AGRN: variants seen among roughly 807,000 people sequenced by gnomAD.
AGRN encodes agrin proteoglycan.
In AGRN, 106 loss-of-function variants were observed where a neutral mutation model predicts 211.0. The observed-to-expected ratio is 0.50, with a 90% CI of 0.43 to 0.59. The LOEUF (loss-of-function observed/expected upper bound fraction) is 0.59. Among genes scored for constraint, AGRN ranks in the 20% least tolerant of loss-of-function variants. AGRN has a pLI of 0.00. For missense variants in AGRN, 3,040 were observed against 2,982.6 expected (o/e 1.02, Z -0.45); for synonymous variants, 1,525 against 1,332.5 (o/e 1.14, Z -3.15).
chr1:1,048,852 G>A lies in AGRN; in HGVS notation c.4106-15G>A. ...CGGAGCTTTTCCAGCCGGCCCTCCC[G>A]GTCGCCCTTTGCAGTGCTTGGCGCC... On this transcript the variant is annotated splice_polypyrimidine_tract_variant and intron_variant, in intron 23 of 35. Transcript: ENST00000379370. The surrounding 1 kb of genome is among the most constrained non-coding windows in gnomAD (Gnocchi z 5.9). The A allele has an allele frequency of 2.6e-6, 4 of 1,526,782 alleles. No homozygotes were observed. Among genetic ancestry groups the A allele is most frequent in the Non-Finnish European group, 3.5e-6 (4 of 1,137,888 alleles). The allele number at this position is 1,526,782 out of a possible 1,614,324, so 94.6% of individuals were successfully genotyped here.
chr1:1,022,478 CT>C lies in AGRN; in HGVS notation c.463+17del, dbSNP rs781150566. ...TGTGTGGAAGGTGCGTGGTGGGGGGCTCGTGTGGGGGCCTGTGGGGGTCAGG... is the reference window on the plus strand; with the variant it reads ...TGTGTGGAAGGTGCGTGGTGGGGGGCCGTGTGGGGGCCTGTGGGGGTCAGG... On this transcript the variant is annotated intron_variant, in intron 2 of 35. Transcript: ENST00000379370. 17 of 1,597,770 alleles carry C rather than the reference CT, an allele frequency of 1.1e-5. No individual in the cohort carries two copies. In the African/African-American group the frequency reaches 1.6e-4, roughly 15 times the overall value.
intron 2 of AGRN, among the ~76,000 whole-genome samples, chr1:1,029,365 A>ATCTATGCAGGCAGGTGGGGGGATCGGTG (rs1644595450): frequency 1.7e-5 from 1 of 57,812 alleles, no homozygotes. Context: ...GATGCCCAAT[A>ATCTATGCAGGCAGGTGGGGGGATCGGTG]TCTATGCAGG....
chr1:1,042,150 C>G lies in AGRN; in HGVS notation c.1372C>G (p.Gln458Glu), dbSNP rs2100638949. Residue 458 changes from glutamine to glutamate, a missense_variant, in exon 7 of 36, where the codon CAG becomes GAG. Gln to Glu is a conservative substitution (Grantham distance 29, BLOSUM62 2). Transcript: ENST00000379370. The part of the protein sequence containing the change: ...RQQRAIPSKH[Q>E]GPCDQAPSPC... ...GCAGCGTGCCATCCCCAGCAAGCAC[C>G]AGGGCCCGTGTGGTGAGCGCCCCGG... The G allele has an allele frequency of 5.0e-6, 8 of 1,596,652 alleles. No homozygotes were observed. In the African/African-American group the frequency reaches 6.7e-5, roughly 13 times the overall value.
At chr1:1,054,327 T>C in intron 34 of AGRN, 121 bp from the exon 35 acceptor site, 1 of 928,266 alleles carries the variant, frequency 1.1e-6, no homozygotes, top group Non-Finnish European at 1.7e-6. Flanking sequence ...CCAGGGGTGA[T>C]ACCTCGGGGG....
chr1:1,024,732 G>A (rs1644481054), intron 2 of AGRN, among the ~76,000 whole-genome samples: 1 of 151,986 alleles, frequency 6.6e-6, no homozygotes, highest in Non-Finnish European at 1.5e-5. Context: ...GATCTTCCTG[G>A]CCCTGCCCAG....
intron 19 of AGRN, 170 bp from the exon 20 acceptor site, chr1:1,047,157 C>A: frequency 7.4e-7 from 1 of 1,350,478 alleles, no homozygotes; most frequent in Non-Finnish European, 9.9e-7. Flanking sequence ...CTGAGGAGTC[C>A]TCCTGGTAAC....
In AGRN at chr1:1,042,074, C is replaced by T. The variant is rs755384854; in HGVS notation, c.1296C>T (p.Asp432=). Residue 432 remains aspartate (D), a synonymous_variant, in exon 7 of 36, where the codon GAC becomes GAT. Coordinates refer to ENST00000379370, the MANE Select transcript of AGRN (RefSeq NM_198576.4). The part of the protein sequence containing the change: ...DGAYRPVCAQ[D]GRTYDSDCWR... ...CCTACAGGCCCGTGTGTGCCCAGGA[C>T]GGGCGCACGTATGACAGTGATTGCT... The T allele has an allele frequency of 1.1e-5, 18 of 1,606,556 alleles. No homozygotes were observed. The highest frequency in any genetic ancestry group is 4.5e-5 in the East Asian group (2 of 44,864).
At chr1:1,033,300 T>G (rs1644714026) in intron 2 of AGRN, among the ~76,000 whole-genome samples, 1 of 151,872 alleles carries the variant, frequency 6.6e-6, no homozygotes, top group Admixed American at 6.5e-5. Context: ...GCGCCGCACC[T>G]GGGGCCCTCC....
Position 1,054,840 on chromosome 1 carries a change from G to GC in AGRN, c.6000dup (p.Val2001ArgfsTer68). 6.4e-7 allele frequency: 1 copy of GC among 1,559,450 alleles called. No homozygotes were observed. Among genetic ancestry groups the GC allele is most frequent in the East Asian group, 2.4e-5 (1 of 42,032 alleles). ...GTGCTGCAGGGGGCCTGCCGGAGCT[G>GC]CCCGTGGGCCCAGCACTGCCCAAGG... On this transcript the variant is annotated frameshift_variant, in exon 36 of 36. Transcript: ENST00000379370. LOFTEE classifies it high-confidence loss of function.
rs1395835478 is a variant in AGRN at position 1,048,838 on chromosome 1, C to T, written c.4106-29C>T. On this transcript the variant is annotated intron_variant, in intron 23 of 35. Transcript: ENST00000379370. This position sits in a 1 kb window ranked among gnomAD's most constrained non-coding sequence, Gnocchi z 5.9. ...AAGTGGGGAATCCTCGGAGCTTTTC[C>T]AGCCGGCCCTCCCGGTCGCCCTTTG... 2.6e-6 allele frequency: 4 copies of T among 1,519,910 alleles called. No homozygotes were observed. Among genetic ancestry groups the T allele is most frequent in the South Asian group, 2.4e-5 (2 of 82,822 alleles). 94.2% of individuals were successfully genotyped at this position (1,519,910 alleles called of 1,614,324 possible). A position where few individuals can be genotyped will look rare whatever the true frequency, so the allele number is the denominator to read the frequency against.
At chr1:1,035,008 C>T in intron 2 of AGRN, 2 of 577,070 alleles carry the variant, frequency 3.5e-6, no homozygotes, top group Non-Finnish European at 6.2e-6. Context: ...GGAAGGGGGT[C>T]CTGCCTGCAC....
intron 3 of AGRN, among the ~76,000 whole-genome samples, chr1:1,036,271 G>A (rs1281266940): frequency 1.3e-5 from 2 of 152,192 alleles, no homozygotes; most frequent in Non-Finnish European, 2.9e-5. Flanking sequence ...GGCTGGAGGA[G>A]GTGGCCAGGC....
In AGRN at chr1:1,043,711, G is replaced by A. The variant is rs764287273; in HGVS notation, c.1777G>A (p.Val593Met). 10 of 1,600,824 alleles carry A rather than the reference G, an allele frequency of 6.2e-6. No homozygotes were observed. The highest frequency in any genetic ancestry group is 4.4e-5 in the South Asian group (4 of 91,074). The stretch of plus-strand genomic sequence containing the variant: ...CTGCACACACCAGATCAGCCTGCAC[G>A]TGGCCTCAGCTGGACCCTGTGGTGA... ...HACTHQISLH[V>M]ASAGPCETCG... The change falls in exon 9 of 36, where the codon GTG (valine) becomes ATG (methionine). Residue 593 changes from valine to methionine, a missense_variant. This residue lies in a region of AGRN where 1,498 missense variants were observed against 1,457.8 expected (regional missense o/e 1.03). Transcript: ENST00000379370.
intron 2 of AGRN, among the ~76,000 whole-genome samples, chr1:1,030,977 G>C (rs576470976): frequency 2.1e-5 from 3 of 140,638 alleles, no homozygotes; most frequent in Non-Finnish European, 3.1e-5. Flanking sequence ...ATGTGTGTGT[G>C]TGTGCAGTGC....
Position 1,044,273 on chromosome 1 carries a change from C to G in AGRN, c.2148+16C>G. ...AGGCAGCCCGGTGAGCTCTGTACCC[C>G]TGGCTCTCGGCGGGCGGCGGGGACG... On this transcript the variant is annotated intron_variant, in intron 11 of 35. Coordinates refer to ENST00000379370, the MANE Select transcript of AGRN (RefSeq NM_198576.4). The G allele has an allele frequency of 6.2e-7, 1 of 1,612,760 alleles. No homozygotes were observed. Among genetic ancestry groups the G allele is most frequent in the Non-Finnish European group, 8.5e-7 (1 of 1,179,842 alleles).
Position 1,048,808 on chromosome 1 carries a change from G to T in AGRN, c.4106-59G>T, listed in dbSNP as rs1022460592. 6.9e-7 allele frequency: 1 copy of T among 1,448,118 alleles called. No individual in the cohort carries two copies. The highest frequency in any genetic ancestry group is 9.2e-7 in the Non-Finnish European group (1 of 1,089,990). 89.7% of individuals were successfully genotyped at this position (1,448,118 alleles called of 1,614,324 possible). A position where few individuals can be genotyped will look rare whatever the true frequency, so the allele number is the denominator to read the frequency against. On this transcript the variant is annotated intron_variant, in intron 23 of 35. Transcript: ENST00000379370. This position sits in a 1 kb window ranked among gnomAD's most constrained non-coding sequence, Gnocchi z 5.9. Reference sequence around the variant, plus strand: ...AAAAAAAGCAGGGGGCGGTTTCAGGGATAAAAGTGGGGAATCCTCGGAGCT... The same window carrying T: ...AAAAAAAGCAGGGGGCGGTTTCAGGTATAAAAGTGGGGAATCCTCGGAGCT...
Position 1,048,163 on chromosome 1 carries a change from C to T in AGRN, c.3903C>T (p.Thr1301=), listed in dbSNP as rs1325213777. 1 of 1,580,282 alleles carries T rather than the reference C, an allele frequency of 6.3e-7. No homozygotes were observed. Among genetic ancestry groups the T allele is most frequent in the Non-Finnish European group, 8.6e-7 (1 of 1,169,510 alleles). Residue 1301 remains threonine, a synonymous_variant, in exon 23 of 36, where the codon ACC becomes ACT. Coordinates refer to ENST00000379370, the MANE Select transcript of AGRN (RefSeq NM_198576.4). This position sits in a 1 kb window ranked among gnomAD's most constrained non-coding sequence, Gnocchi z 5.9. ...ACACAAGCCAGCCCGTTGCCAAGACCACGGCAGCCCCCACCACACGTCGGC... is the reference window on the plus strand; with the variant it reads ...ACACAAGCCAGCCCGTTGCCAAGACTACGGCAGCCCCCACCACACGTCGGC... ...PSHTSQPVAK[T]TAAPTTRRPP...
intron 3 of AGRN, among the ~76,000 whole-genome samples, chr1:1,038,300 G>C (rs925918475): frequency 6.6e-6 from 1 of 152,174 alleles, no homozygotes; most frequent in Non-Finnish European, 1.5e-5. Context: ...CCAGTGCTCA[G>C]CCTGGCTTCA....
intron 1 of AGRN, among the ~76,000 whole-genome samples, chr1:1,021,546 G>C (rs1301429760): frequency 6.6e-6 from 1 of 152,244 alleles, no homozygotes; most frequent in Non-Finnish European, 1.5e-5. Flanking sequence ...GTTCTCAGGG[G>C]AGTGCGTGAG....
Sources: gnomAD v4.1 joint callset for allele counts (sites outside exome capture counted in the v4.1 genomes callset) on GRCh38, gnomAD v4.1.1 for gene constraint, gnomAD v4.1.1 regional missense constraint, Gnocchi (gnomAD v3.1) non-coding constraint, MANE v1.5 for transcripts, NCBI Gene and HGNC (gene_info 2026-07-23, HGNC 2026-07-21) for gene names.